Variants in NUBPL observed in about 807,000 individuals in gnomAD.
NUBPL encodes the protein iron-sulfur cluster transfer protein NUBPL.
A neutral mutation model predicts 45.7 loss-of-function variants in NUBPL; 31 were observed. The observed-to-expected ratio is 0.68, with a 90% CI of 0.51 to 0.92. The LOEUF is 0.92. Among genes scored for constraint, NUBPL ranks in the 40% least tolerant of loss-of-function variants. The probability of loss-of-function intolerance (pLI) is 0.00; values close to 1 mark genes in which losing one functional copy is unlikely to be tolerated. For missense variants in NUBPL, 401 were observed against 398.7 expected (o/e 1.01, Z -0.05); for synonymous variants, 144 against 140.9 (o/e 1.02, Z -0.15).
At chr14:31,724,324 A>T (rs1396820870) in intron 6 of NUBPL, among the ~76,000 whole-genome samples, 1 of 152,202 alleles carries the variant, frequency 6.6e-6, no homozygotes, top group Non-Finnish European at 1.5e-5. Context: ...GGCTAATGAG[A>T]TCTAATAAAA....
chr14:31,752,055 C>G (rs748974417), intron 6 of NUBPL, among the ~76,000 whole-genome samples: 2 of 152,176 alleles, frequency 1.3e-5, no homozygotes, highest in Admixed American at 6.5e-5. Context: ...CCCACAAAAC[C>G]ATTTTTCCTT....
chr14:31,644,393 A>C (rs188749658), intron 4 of NUBPL, among the ~76,000 whole-genome samples: 13 of 151,956 alleles, frequency 8.6e-5, no homozygotes, highest in Admixed American at 6.5e-4. Flanking sequence ...TTTTCTTCTT[A>C]ATTTCTTCAT....
intron 6 of NUBPL, among the ~76,000 whole-genome samples, chr14:31,703,945 A>G (rs976932157): frequency 6.6e-6 from 1 of 152,186 alleles, no homozygotes; most frequent in Non-Finnish European, 1.5e-5. Flanking sequence ...AAGCAGTATG[A>G]TAATTGTCCA....
intron 6 of NUBPL, among the ~76,000 whole-genome samples, chr14:31,740,656 T>C (rs1294371958): frequency 1.3e-5 from 2 of 152,226 alleles, no homozygotes; most frequent in Admixed American, 1.3e-4. Context: ...TTATTTTTAA[T>C]GAGGTCTAGC....
intron 6 of NUBPL, among the ~76,000 whole-genome samples, chr14:31,699,727 G>A (rs548106720): frequency 6.6e-6 from 1 of 152,226 alleles, no homozygotes; most frequent in South Asian, 2.1e-4. Flanking sequence ...TATTTTATAA[G>A]ACATTTCTGA....
chr14:31,703,802 C>G (rs1456579888), intron 6 of NUBPL, among the ~76,000 whole-genome samples: 1 of 152,192 alleles, frequency 6.6e-6, no homozygotes, highest in Non-Finnish European at 1.5e-5. Context: ...GCTCAATCGC[C>G]CAATACCTGA....
At chr14:31,638,349 G>A (rs1341450633) in intron 4 of NUBPL, among the ~76,000 whole-genome samples, 2 of 151,254 alleles carry the variant, frequency 1.3e-5, no homozygotes, top group Non-Finnish European at 3.0e-5. Flanking sequence ...CACTTATGAA[G>A]CTTAGTTTGG....
At chr14:31,621,628 A>C (rs1240680564) in intron 4 of NUBPL, among the ~76,000 whole-genome samples, 1 of 152,090 alleles carries the variant, frequency 6.6e-6, no homozygotes, top group Non-Finnish European at 1.5e-5. Flanking sequence ...CCCACTGTCC[A>C]ACCAGTCCCA....
Position 31,565,027 on chromosome 14 carries a change from T to C in NUBPL, c.270T>C (p.Leu90=). 1 of 1,559,382 alleles carries C rather than the reference T, an allele frequency of 6.4e-7. No homozygotes were observed. Among genetic ancestry groups the C allele is most frequent in the Non-Finnish European group, 8.8e-7 (1 of 1,139,674 alleles). The change falls in exon 3 of 11, where the codon CTT becomes CTC. Residue 90 remains leucine, a synonymous_variant. Transcript: ENST00000281081. ...TGTTTCTTACAGTGAATCTTGCACT[T>C]GCACTAGCAGCGAACGATTCGGTAG... ...GKSTTAVNLA[L]ALAANDSSKA... is the part of the protein sequence containing the mutation.
intron 6 of NUBPL, among the ~76,000 whole-genome samples, chr14:31,739,859 A>C (rs1197705348): frequency 6.6e-6 from 1 of 152,120 alleles, no homozygotes; most frequent in Non-Finnish European, 1.5e-5. Flanking sequence ...TAATCTTTTT[A>C]TTCCCCCACA....
chr14:31,595,873 G>A (rs2034268251), intron 3 of NUBPL, among the ~76,000 whole-genome samples: 2 of 149,264 alleles, frequency 1.3e-5, no homozygotes, highest in African/African-American at 2.5e-5. Flanking sequence ...TTTAATTAAT[G>A]TATGCTTTGG....
At chr14:31,842,114 A>T (rs2138980346) in intron 8 of NUBPL, among the ~76,000 whole-genome samples, 1 of 151,158 alleles carries the variant, frequency 6.6e-6, no homozygotes, top group East Asian at 2.0e-4. Context: ...TATTTTTAGT[A>T]GAGATGGGGT....
At chr14:31,761,489 C>T (rs770598754) in intron 6 of NUBPL, among the ~76,000 whole-genome samples, 1 of 152,214 alleles carries the variant, frequency 6.6e-6, no homozygotes, top group Non-Finnish European at 1.5e-5. Flanking sequence ...GCCTTGCCCA[C>T]TCTCACCATT....
chr14:31,840,351 A>G (rs1320656352), intron 8 of NUBPL, among the ~76,000 whole-genome samples: 1 of 152,174 alleles, frequency 6.6e-6, no homozygotes, highest in Non-Finnish European at 1.5e-5. Flanking sequence ...AGGCAGATGG[A>G]TCACGAGGTC....
intron 10 of NUBPL, among the ~76,000 whole-genome samples, chr14:31,854,915 C>A (rs566478332): frequency 6.6e-6 from 1 of 152,308 alleles, no homozygotes; most frequent in African/African-American, 2.4e-5. Flanking sequence ...GAAATTGAAA[C>A]TGTTAAACTA....
chr14:31,597,079 C>CCCTTTGCT (rs1443507438), intron 3 of NUBPL, among the ~76,000 whole-genome samples: 1 of 152,128 alleles, frequency 6.6e-6, no homozygotes, highest in Non-Finnish European at 1.5e-5. Flanking sequence ...CGTCCTTAAT[C>CCCTTTGCT]CCTTTGCTCC....
chr14:31,701,298 G>T (rs2037332486), intron 6 of NUBPL, among the ~76,000 whole-genome samples: 1 of 152,194 alleles, frequency 6.6e-6, no homozygotes, highest in Non-Finnish European at 1.5e-5. Context: ...CTAGAGAATT[G>T]TAAATGCACC....
At chr14:31,604,244 T>A (rs1015307187) in intron 4 of NUBPL, among the ~76,000 whole-genome samples, 4 of 151,094 alleles carry the variant, frequency 2.6e-5, no homozygotes, top group Non-Finnish European at 5.9e-5. Context: ...AGAAATAAAC[T>A]GAATGATTAA....
In NUBPL at chr14:31,840,575, CAA is replaced by C. The variant is rs1179425932; in HGVS notation, c.694-5882_694-5881del. 2.0e-4 allele frequency among the ~76,000 whole-genome samples: 18 copies of C among 90,984 alleles called. 1 individual carries two copies. The highest frequency in any genetic ancestry group is 1.3e-4 in the Non-Finnish European group (6 of 45,192). 59.7% of individuals were successfully genotyped at this position (90,984 alleles called of 152,430 possible). A position where few individuals can be genotyped will look rare whatever the true frequency, so the allele number is the denominator to read the frequency against. ...GGCAACAGAGCAAGACTCCACATCT[CAA>C]AAAAAAAAAAAAAGAAAAAGAAAGA... is the stretch of plus-strand genomic sequence containing the variant. On this transcript the variant is annotated intron_variant, in intron 8 of 10. Coordinates refer to ENST00000281081, the MANE Select transcript of NUBPL (RefSeq NM_025152.3).
Sources: allele counts gnomAD v4.1 joint callset (sites outside exome capture counted in the v4.1 genomes callset), GRCh38; gene constraint gnomAD v4.1.1; transcripts MANE v1.5; gene names NCBI Gene and HGNC (gene_info 2026-07-23, HGNC 2026-07-21).